The following RPS6KC1 variants were observed in gnomAD, a reference collection of about 807,000 sequenced individuals.
RPS6KC1 encodes ribosomal protein S6 kinase C1, also known as inactive ribosomal protein S6 kinase delta-1.
Under a neutral mutation model 103.8 loss-of-function variants are expected in RPS6KC1, and 54 were observed. The observed-to-expected ratio is 0.52, with a 90% CI of 0.42 to 0.65. The LOEUF is 0.65. Ranked by LOEUF, RPS6KC1 falls within the 30% of genes least tolerant of loss-of-function variation. RPS6KC1 has a pLI of 0.00. For synonymous variants in RPS6KC1, 439 were observed against 438.7 expected (o/e 1.00, Z -0.01); for missense variants, 1,151 against 1,253.8 (o/e 0.92, Z 1.24).
the RPS6KC1 span, among the ~76,000 whole-genome samples, chr1:213,438,061 G>A: frequency 2.3e-3 from 344 of 151,794 alleles, 2 homozygotes; most frequent in African/African-American, 7.5e-3. Context: ...AACTTCTTCT[G>A]CTGTATCTAA....
chr1:213,591,181 G>A, the RPS6KC1 span, among the ~76,000 whole-genome samples: 117 of 152,298 alleles, frequency 7.7e-4, no homozygotes, highest in African/African-American at 2.5e-3. Context: ...AAAGAACCGA[G>A]AGATGCCCAA....
At chr1:213,285,561 G>C in the RPS6KC1 span, among the ~76,000 whole-genome samples, 2 of 152,170 alleles carry the variant, frequency 1.3e-5, no homozygotes, top group Non-Finnish European at 2.9e-5. Context: ...ATGGCTATAT[G>C]CTCTGACCAT....
chr1:213,252,355 A>G (rs2094561038), intron 12 of RPS6KC1, among the ~76,000 whole-genome samples: 1 of 152,210 alleles, frequency 6.6e-6, no homozygotes, highest in Admixed American at 6.5e-5. Flanking sequence ...GTTGTCACCA[A>G]TGACAGATTA....
At chr1:213,101,828 TAAGC>T (rs2082042810) in intron 3 of RPS6KC1, among the ~76,000 whole-genome samples, 1 of 152,190 alleles carries the variant, frequency 6.6e-6, no homozygotes, top group Non-Finnish European at 1.5e-5. Context: ...ACTATAATCA[TAAGC>T]ACTGATTCAT....
chr1:213,385,760 G>A, the RPS6KC1 span, among the ~76,000 whole-genome samples: 1 of 152,140 alleles, frequency 6.6e-6, no homozygotes, highest in African/African-American at 2.4e-5. Context: ...TTTTCCTGAG[G>A]CCTCTGTTCC....
At chr1:213,109,557 T>C (rs12752569) in intron 4 of RPS6KC1, among the ~76,000 whole-genome samples, 2 of 144,192 alleles carry the variant, frequency 1.4e-5, no homozygotes, top group East Asian at 1.9e-4. Context: ...AATTAAACTG[T>C]TTTTTTTTCC....
Position 213,241,657 on chromosome 1 carries a change from A to G in RPS6KC1, c.2181A>G (p.Glu727=), listed in dbSNP as rs1176225345. ...NIGIIENKLL[E]APDVLCLRLS... The stretch of plus-strand genomic sequence containing the variant: ...GGATAATAGAAAATAAACTCTTGGA[A>G]GCCCCTGATGTTTTATGCCTCAGGC... Residue 727 remains glutamate, a synonymous_variant, in exon 11 of 15, where the codon GAA becomes GAG. Coordinates refer to ENST00000366960, the MANE Select transcript of RPS6KC1 (RefSeq NM_012424.6). 2.5e-6 allele frequency: 4 copies of G among 1,613,792 alleles called. No homozygotes were observed. Among genetic ancestry groups the G allele is most frequent in the Non-Finnish European group, 2.5e-6 (3 of 1,179,958 alleles).
chr1:213,243,871 A>T (rs2094407345), intron 12 of RPS6KC1, among the ~76,000 whole-genome samples: 1 of 152,210 alleles, frequency 6.6e-6, no homozygotes, highest in African/African-American at 2.4e-5. Flanking sequence ...ATGGGAAGTG[A>T]TGATAATAAG....
chr1:213,425,140 TA>T, the RPS6KC1 span, among the ~76,000 whole-genome samples: 7 of 151,308 alleles, frequency 4.6e-5, no homozygotes, highest in Admixed American at 1.3e-4. Context: ...TCAGTTACAT[TA>T]AAAAAAAATC....
chr1:213,771,388 T>C, the RPS6KC1 span, among the ~76,000 whole-genome samples: 1 of 152,252 alleles, frequency 6.6e-6, no homozygotes, highest in African/African-American at 2.4e-5. Flanking sequence ...TCAGTAATTA[T>C]GAGGGTGGGG....
intron 12 of RPS6KC1, among the ~76,000 whole-genome samples, chr1:213,244,486 A>G (rs528746360): frequency 6.6e-6 from 1 of 152,004 alleles, no homozygotes; most frequent in African/African-American, 2.4e-5. Context: ...CCTGGTTCCT[A>G]GTAAGTGTAT....
chr1:213,504,458 G>T, the RPS6KC1 span, among the ~76,000 whole-genome samples: 2 of 152,012 alleles, frequency 1.3e-5, no homozygotes, highest in African/African-American at 2.4e-5. Context: ...ATGTGCCATG[G>T]TTGCTATTCT....
chr1:213,249,822 C>T (rs904857559), intron 12 of RPS6KC1, among the ~76,000 whole-genome samples: 1 of 152,030 alleles, frequency 6.6e-6, no homozygotes, highest in Non-Finnish European at 1.5e-5. Context: ...ACAAGAAAAC[C>T]GTATAGTAAT....
the RPS6KC1 span, among the ~76,000 whole-genome samples, chr1:213,313,466 C>G: frequency 6.6e-6 from 1 of 152,170 alleles, no homozygotes; most frequent in African/African-American, 2.4e-5. Context: ...CTCTCAAGCC[C>G]TGCATTTTCA....
At chr1:213,198,260 C>T (rs2093028103) in intron 8 of RPS6KC1, among the ~76,000 whole-genome samples, 1 of 152,144 alleles carries the variant, frequency 6.6e-6, no homozygotes, top group Admixed American at 6.5e-5. Context: ...TTTTGTTCAA[C>T]AATGCTAAAG....
chr1:213,157,682 G>A (rs566971704), intron 6 of RPS6KC1, among the ~76,000 whole-genome samples: 3 of 152,176 alleles, frequency 2.0e-5, no homozygotes, highest in Non-Finnish European at 4.4e-5. Context: ...GGAGTATTCT[G>A]TAGATTCAGA....
the RPS6KC1 span, among the ~76,000 whole-genome samples, chr1:213,621,608 T>C: frequency 6.6e-6 from 1 of 152,066 alleles, no homozygotes; most frequent in Non-Finnish European, 1.5e-5. Flanking sequence ...GAAGAGAGAA[T>C]TGTGAGTTTA....
At chr1:213,752,731 T>C in the RPS6KC1 span, among the ~76,000 whole-genome samples, 1 of 152,224 alleles carries the variant, frequency 6.6e-6, no homozygotes, top group Non-Finnish European at 1.5e-5. Flanking sequence ...GGCCTTGACT[T>C]AGCTGGAGGA....
the RPS6KC1 span, among the ~76,000 whole-genome samples, chr1:213,562,371 T>G: frequency 1.9e-4 from 3 of 15,840 alleles, no homozygotes; most frequent in Non-Finnish European, 5.6e-4. Flanking sequence ...TTTTTTTTTT[T>G]TTTTTTTTTT....
Sources: allele counts gnomAD v4.1 joint callset (sites outside exome capture counted in the v4.1 genomes callset), GRCh38; gene constraint gnomAD v4.1.1; transcripts MANE v1.5; gene names NCBI Gene and HGNC (gene_info 2026-07-23, HGNC 2026-07-21).